MBNL3: variants seen among roughly 807,000 people sequenced by gnomAD.
MBNL3 encodes muscleblind like splicing regulator 3, also known as muscleblind-like protein 3.
A neutral mutation model predicts 24.5 loss-of-function variants in MBNL3; 6 were observed. That is an observed-to-expected ratio of 0.25 (90% CI 0.13 to 0.48). The LOEUF is 0.48. Ranked by LOEUF, MBNL3 falls within the 20% of genes least tolerant of loss-of-function variation. The pLI is 0.99. For synonymous variants in MBNL3, 100 were observed against 101.7 expected, an observed-to-expected ratio of 0.98 and a Z score of 0.10; for missense variants, 230 against 293.5, an observed-to-expected ratio of 0.78 and a Z score of 1.58.
intron 1 of MBNL3, among the ~76,000 whole-genome samples, 186 bp from the exon 2 acceptor site, chrX:132,440,500 A>G (rs960224597): frequency 8.9e-5 from 10 of 111,977 alleles, no homozygotes; most frequent in African/African-American, 3.2e-4. Flanking sequence ...CTGTATAGTA[A>G]AAGCAAGCAA....
chrX:132,457,056 C>T (rs1946407297), intron 1 of MBNL3, among the ~76,000 whole-genome samples: 1 of 111,302 alleles, frequency 9.0e-6, no homozygotes, highest in Non-Finnish European at 1.9e-5. Flanking sequence ...AATCTCTGAA[C>T]CAAGATTTGG....
At chrX:132,455,008 C>A (rs772997540) in intron 1 of MBNL3, among the ~76,000 whole-genome samples, 1 of 112,367 alleles carries the variant, frequency 8.9e-6, no homozygotes, top group Admixed American at 9.4e-5. Flanking sequence ...TTTAGAGGAA[C>A]TGCAACATAG....
chrX:132,475,040 C>T (rs1247163617), intron 1 of MBNL3, among the ~76,000 whole-genome samples: 3 of 111,812 alleles, frequency 2.7e-5, no homozygotes, highest in Non-Finnish European at 5.6e-5. Flanking sequence ...TCCTGTGTTG[C>T]TCAACTTGGG....
intron 1 of MBNL3, among the ~76,000 whole-genome samples, chrX:132,463,666 G>A (rs926975621): frequency 3.0e-4 from 33 of 110,737 alleles, no homozygotes; most frequent in Non-Finnish European, 5.5e-4. Context: ...TAAAAATAAG[G>A]AGTTTCGCAC....
chrX:132,415,596 C>T (rs1175683784), intron 2 of MBNL3, among the ~76,000 whole-genome samples: 1 of 111,727 alleles, frequency 9.0e-6, no homozygotes, highest in Non-Finnish European at 1.9e-5. Flanking sequence ...TTTTGTTAAA[C>T]ATGAATCTTC....
At chrX:132,481,813 C>T (rs1217358840) in intron 1 of MBNL3, among the ~76,000 whole-genome samples, 1 of 111,190 alleles carries the variant, frequency 9.0e-6, no homozygotes, top group Non-Finnish European at 1.9e-5. Context: ...GCATTCTGCC[C>T]TGGTATTGTT....
intron 8 of MBNL3, 46 bp from the exon 9 acceptor site, chrX:132,379,723 A>G (rs1354207676): frequency 2.7e-5 from 29 of 1,057,936 alleles, no homozygotes; most frequent in African/African-American, 3.7e-5. Context: ...AGAAATATTG[A>G]AAGGTTATTG....
At chrX:132,479,590 C>T (rs1401616822) in intron 1 of MBNL3, among the ~76,000 whole-genome samples, 1 of 112,070 alleles carries the variant, frequency 8.9e-6, no homozygotes, top group Non-Finnish European at 1.9e-5. Flanking sequence ...TTTTAAACTT[C>T]AGAAAACCCT....
intron 2 of MBNL3, among the ~76,000 whole-genome samples, chrX:132,416,574 T>C (rs1569443244): frequency 9.0e-6 from 1 of 111,498 alleles, no homozygotes; most frequent in Non-Finnish European, 1.9e-5. Context: ...TTAAAATAAC[T>C]AAAAGAGTAG....
chrX:132,432,460 T>C (rs1944816523), intron 2 of MBNL3: 1 of 110,954 alleles, frequency 9.0e-6, no homozygotes, highest in Non-Finnish European at 1.9e-5. Context: ...CCATTAGTAG[T>C]TAATTCCCAT....
At chrX:132,476,870 C>A (rs951394338) in intron 1 of MBNL3, among the ~76,000 whole-genome samples, 6 of 111,621 alleles carry the variant, frequency 5.4e-5, no homozygotes, top group African/African-American at 2.0e-4. Flanking sequence ...TTGCCTAGAA[C>A]AGTCAACTAC....
rs948405903 is a variant in MBNL3 at position 132,396,679 on chromosome X, T to C, written c.343-4345A>G. Among the ~76,000 whole-genome samples the C allele has an allele frequency of 0.045, 146 of 3,247 alleles. 8 individuals are homozygous for C. The Middle Eastern group carries it at 0.5, about 11-fold the overall frequency. 2.8% of individuals were successfully genotyped at this position (3,247 alleles called of 115,157 possible). The stretch of plus-strand genomic sequence containing the variant: ...ATATATATTCACATATATATATTCA[T>C]ATATATATATTCATATATATATTCA... On this transcript the variant is annotated intron_variant, in intron 3 of 8. Transcript: ENST00000370853.
At chrX:132,421,623 A>G (rs987784514) in intron 2 of MBNL3, among the ~76,000 whole-genome samples, 8 of 111,939 alleles carry the variant, frequency 7.1e-5, no homozygotes, top group Non-Finnish European at 1.3e-4. Flanking sequence ...CACTTAGGAG[A>G]CTAGTTTACC....
Position 132,482,926 on chromosome X carries a change from A to G in MBNL3, c.-704+5925T>C, listed in dbSNP as rs189971151. On this transcript the variant is annotated intron_variant, in intron 1 of 8. Coordinates refer to ENST00000370853, the MANE Select transcript of MBNL3 (RefSeq NM_001386889.1). ...ATGAAACATATCAGATTACACAGGCATGGTACCCCAGTCCCTCCCTAATGA... is the reference window on the plus strand; with the variant it reads ...ATGAAACATATCAGATTACACAGGCGTGGTACCCCAGTCCCTCCCTAATGA... 8.0e-5 allele frequency among the ~76,000 whole-genome samples: 9 copies of G among 111,957 alleles called. No individual in the cohort carries two copies. The East Asian group carries it at 2.0e-3, about 24-fold the overall frequency.
chrX:132,447,002 G>A (rs1336667530), intron 1 of MBNL3, among the ~76,000 whole-genome samples: 2 of 111,934 alleles, frequency 1.8e-5, no homozygotes, highest in Non-Finnish European at 3.8e-5. Flanking sequence ...TTATTAAATA[G>A]GGAATCCTTT....
chrX:132,443,705 ACT>A (rs1424861219), intron 1 of MBNL3, among the ~76,000 whole-genome samples: 1 of 111,386 alleles, frequency 9.0e-6, no homozygotes, highest in Non-Finnish European at 1.9e-5. Context: ...CAAACTTCTA[ACT>A]CACCATGAAT....
At position 132,382,172 on chromosome X, in the gene MBNL3, C is replaced by T; in HGVS notation, c.1053+6G>A. On this transcript the variant is annotated splice_donor_region_variant and intron_variant, in intron 8 of 8. Transcript: ENST00000370853. ...TGATCTGAACAGCTTAAATAAATGG[C>T]CAAACCTGATTGCCTGTAGTTGGTG... 1 of 1,208,382 alleles carries T rather than the reference C, an allele frequency of 8.3e-7. No homozygotes were observed. The highest frequency in any genetic ancestry group is 1.1e-6 in the Non-Finnish European group (1 of 893,039).
chrX:132,469,208 C>A (rs1369939980), intron 1 of MBNL3, among the ~76,000 whole-genome samples: 1 of 112,437 alleles, frequency 8.9e-6, no homozygotes, highest in African/African-American at 3.2e-5. Context: ...CATGTCTGCC[C>A]ATCTCCACCT....
intron 1 of MBNL3, among the ~76,000 whole-genome samples, chrX:132,444,847 T>C (rs1378188077): frequency 1.8e-5 from 2 of 112,074 alleles, no homozygotes; most frequent in Non-Finnish European, 3.8e-5. Context: ...ATGGAAGTTA[T>C]CTTGAAAGTA....
Sources: gnomAD v4.1 joint callset for allele counts (sites outside exome capture counted in the v4.1 genomes callset) on GRCh38, gnomAD v4.1.1 for gene constraint, MANE v1.5 for transcripts, NCBI Gene and HGNC (gene_info 2026-07-23, HGNC 2026-07-21) for gene names.